Variants in STMN1 observed in about 807,000 individuals in gnomAD.
STMN1 encodes stathmin.
In STMN1, 3 loss-of-function variants were observed where a neutral mutation model predicts 19.7. That is an observed-to-expected ratio of 0.15 (90% CI 0.07 to 0.39). The LOEUF (loss-of-function observed/expected upper bound fraction) is 0.39. Ranked by LOEUF, STMN1 falls within the 10% of genes least tolerant of loss-of-function variation. The probability of loss-of-function intolerance (pLI) is 1.00; values close to 1 mark genes in which losing one functional copy is unlikely to be tolerated. For synonymous variants in STMN1, 59 were observed against 58.9 expected, an observed-to-expected ratio of 1.00 and a Z score of -0.01; for missense variants, 99 against 176.0, an observed-to-expected ratio of 0.56 and a Z score of 2.48.
At chr1:25,893,173 C>T (rs577159746) in intron 4 of STMN1, among the ~76,000 whole-genome samples, 1 of 152,108 alleles carries the variant, frequency 6.6e-6, no homozygotes, top group African/African-American at 2.4e-5. Flanking sequence ...GAAATTCCAG[C>T]CTCAGCTTTG....
intron 4 of STMN1, among the ~76,000 whole-genome samples, chr1:25,888,769 A>C (rs190878872): frequency 1.3e-5 from 2 of 152,316 alleles, no homozygotes; most frequent in Non-Finnish European, 2.9e-5. Flanking sequence ...TGTCCCAGCC[A>C]TCATGTGACT....
rs2048864821 is a variant in STMN1 at position 25,900,937 on chromosome 1, AAAAAT to A, written c.*74_*78del. ...CTTCTAAAATATTTGTCAGGAGGGA[AAAAAT>A]AAAATGACACTGGCCAGTACAGTCT... On this transcript the variant is annotated 3_prime_UTR_variant, in exon 5 of 5. Coordinates refer to ENST00000455785, the MANE Select transcript of STMN1 (RefSeq NM_005563.4). 2.5e-6 allele frequency: 4 copies of A among 1,605,020 alleles called. No individual in the cohort carries two copies. The highest frequency in any genetic ancestry group is 1.1e-5 in the South Asian group (1 of 89,892).
rs1557483379 is a variant in STMN1, at chr1:25,901,092, A to G, written c.379-5T>C. On this transcript the variant is annotated splice_region_variant and splice_polypyrimidine_tract_variant and intron_variant, in intron 4 of 4. Transcript: ENST00000455785. ...CACTTCTTCAATGTGCTTATCCTGT[A>G]AAGGAAGGGTAAGGTGTCATCAGTC... The G allele has an allele frequency of 6.2e-7, 1 of 1,606,352 alleles. No individual in the cohort carries two copies. Among genetic ancestry groups the G allele is most frequent in the Admixed American group, 1.7e-5 (1 of 59,630 alleles).
Position 25,903,714 on chromosome 1 carries a change from G to A in STMN1, c.113C>T (p.Ser38Phe). 1 of 1,613,948 alleles carries A rather than the reference G, an allele frequency of 6.2e-7. No homozygotes were observed. Residue 38 changes from serine (S) to phenylalanine (F), a missense_variant, in exon 3 of 5, where the codon TCC becomes TTC. By Grantham distance (155) the Ser-to-Phe change is radical. Coordinates refer to ENST00000455785, the MANE Select transcript of STMN1 (RefSeq NM_005563.4). ...GGAAAGATCCTTCTTCTTTGGAGGG[G>A]AAAGGGGGAATTCTGGAACAGATTC... ...SKESVPEFPL[S>F]PPKKKDLSLE... is the part of the protein sequence containing the mutation.
chr1:25,889,622 A>C lies in STMN1; in HGVS notation c.379-3753T>G, dbSNP rs559154448. 2.0e-5 allele frequency among the ~76,000 whole-genome samples: 3 copies of C among 149,080 alleles called. No individual in the cohort carries two copies. In the South Asian group the frequency reaches 6.5e-4, roughly 32 times the overall value. ...GACCCTCCACCTCACTGTCCAAGCC[A>C]CTCTCATCTCTCTCCCTTGTGCACT... is the stretch of plus-strand genomic sequence containing the variant. On this transcript the variant is annotated intron_variant, in intron 4 of 4. Coordinates refer to the STMN1 transcript ENST00000426559.
Position 25,892,156 on chromosome 1 carries a change from G to A in STMN1, c.379-6287C>T, listed in dbSNP as rs558610996. ...TGTAATCCCAGCACTTCGGGAGGCCGAGGTGGGCGAATCACCTGAGGTCGA... is the reference window on the plus strand; with the variant it reads ...TGTAATCCCAGCACTTCGGGAGGCCAAGGTGGGCGAATCACCTGAGGTCGA... On this transcript the variant is annotated intron_variant, in intron 4 of 4. Transcript: ENST00000426559. Among the ~76,000 whole-genome samples the A allele has an allele frequency of 1.8e-4, 27 of 152,350 alleles. No individual in the cohort carries two copies. In the South Asian group the frequency reaches 3.9e-3, roughly 22 times the overall value.
chr1:25,888,931 C>G, intron 4 of STMN1: 2 of 398,762 alleles, frequency 5.0e-6, no homozygotes, highest in Non-Finnish European at 9.9e-6. Context: ...CTCTCCCTTT[C>G]TCTGCCATCG....
intron 4 of STMN1, among the ~76,000 whole-genome samples, chr1:25,890,857 C>T (rs1255496195): frequency 6.6e-6 from 1 of 152,136 alleles, no homozygotes; most frequent in African/African-American, 2.4e-5. Context: ...TATTGAGCCC[C>T]ATGAATTCAA....
chr1:25,890,459 G>A (rs1290624854), intron 4 of STMN1, among the ~76,000 whole-genome samples: 2 of 152,292 alleles, frequency 1.3e-5, no homozygotes, highest in Non-Finnish European at 1.5e-5. Flanking sequence ...GGAGTGTGGG[G>A]GAATTTATCT....
chr1:25,895,201 C>A (rs1020231373), downstream of STMN1, among the ~76,000 whole-genome samples: 4 of 148,240 alleles, frequency 2.7e-5, no homozygotes, highest in African/African-American at 9.9e-5. Flanking sequence ...CTCCCGGGTT[C>A]ATACCATTCT....
Position 25,900,656 on chromosome 1 carries a change from T to G in STMN1, c.*360A>C. The G allele has an allele frequency of 9.9e-7, 1 of 1,011,322 alleles. No individual in the cohort carries two copies. The highest frequency in any genetic ancestry group is 9.8e-5 in the East Asian group (1 of 10,194). 62.6% of individuals were successfully genotyped at this position (1,011,322 alleles called of 1,614,324 possible). ...ATTGGGATTGAAAAGTGAACAGATA[T>G]TCAGCATCTAACAGTTCAAAAGAAG... On this transcript the variant is annotated 3_prime_UTR_variant, in exon 5 of 5. Transcript: ENST00000455785.
chr1:25,900,815 T>C lies in STMN1; in HGVS notation c.*201A>G. Reference sequence around the variant, plus strand: ...AGCTACATTAGAAAGACCAACACTTTAGAAAAAGAGTAAAACACTTTCAGT... The same window carrying C: ...AGCTACATTAGAAAGACCAACACTTCAGAAAAAGAGTAAAACACTTTCAGT... On this transcript the variant is annotated 3_prime_UTR_variant, in exon 5 of 5. Coordinates refer to ENST00000455785, the MANE Select transcript of STMN1 (RefSeq NM_005563.4). 3 of 1,380,062 alleles carry C rather than the reference T, an allele frequency of 2.2e-6. No individual in the cohort carries two copies. Among genetic ancestry groups the C allele is most frequent in the Non-Finnish European group, 2.8e-6 (3 of 1,068,644 alleles). The allele number at this position is 1,380,062 out of a possible 1,614,324, so 85.5% of individuals were successfully genotyped here.
At chr1:25,888,703 A>G (rs955464141) in intron 4 of STMN1, among the ~76,000 whole-genome samples, 1 of 152,204 alleles carries the variant, frequency 6.6e-6, no homozygotes, top group Non-Finnish European at 1.5e-5. Flanking sequence ...CAACTTGCCT[A>G]GACTGGTATG....
chr1:25,893,305 G>A (rs997173589), intron 4 of STMN1, among the ~76,000 whole-genome samples: 4 of 152,148 alleles, frequency 2.6e-5, no homozygotes, highest in East Asian at 1.9e-4. Flanking sequence ...AGCAATCCCC[G>A]AGCTATACTT....
chr1:25,889,599 C>T (rs1359136863), intron 4 of STMN1, among the ~76,000 whole-genome samples: 1 of 152,142 alleles, frequency 6.6e-6, no homozygotes, highest in Non-Finnish European at 1.5e-5. Flanking sequence ...CTAACCATGA[C>T]CCTCCACCTC....
At position 25,900,198 on chromosome 1, in the gene STMN1, CCCA is replaced by C. The variant is rs144986999; in HGVS notation, c.*815_*817del. 3.0e-6 allele frequency: 3 copies of C among 985,790 alleles called. No individual in the cohort carries two copies. The East Asian group carries it at 3.4e-4, about 112-fold the overall frequency. The allele number at this position is 985,790 out of a possible 1,614,324, so 61.1% of individuals were successfully genotyped here. ...ATGGCAGGAAAGGATGAGGACATGC[CCCA>C]CCTGTAACGTAGAGCAAGCAAACCA... On this transcript the variant is annotated 3_prime_UTR_variant, in exon 5 of 5. Transcript: ENST00000455785.
intron 4 of STMN1, among the ~76,000 whole-genome samples, chr1:25,891,302 G>A (rs1479322759): frequency 6.6e-6 from 1 of 150,386 alleles, no homozygotes; most frequent in Admixed American, 6.7e-5. Context: ...TTGCACTCCA[G>A]CTTGGGCAAC....
chr1:25,904,832 T>C, intron 1 of STMN1, 94 bp from the exon 2 acceptor site: 2 of 784,004 alleles, frequency 2.6e-6, no homozygotes, highest in South Asian at 2.6e-5. Context: ...ACATACATCG[T>C]CAGAAAAATA....
At chr1:25,895,339 C>G (rs925748381), downstream of STMN1, among the ~76,000 whole-genome samples, 1 of 152,102 alleles carries the variant, frequency 6.6e-6, no homozygotes, top group Non-Finnish European at 1.5e-5. Flanking sequence ...ATTTCCTGAC[C>G]TCGTGATCTG....
Sources: allele counts gnomAD v4.1 joint callset (sites outside exome capture counted in the v4.1 genomes callset), GRCh38; gene constraint gnomAD v4.1.1; transcripts MANE v1.5; gene names NCBI Gene and HGNC (gene_info 2026-07-23, HGNC 2026-07-21).